Variants in ATP6V0E2 observed in about 807,000 individuals in gnomAD.
ATP6V0E2 encodes V-type proton ATPase subunit e 2.
Under a neutral mutation model 11.5 loss-of-function variants are expected in ATP6V0E2, and 4 were observed. That is an observed-to-expected ratio of 0.35 (90% CI 0.17 to 0.80). The LOEUF is 0.80. Ranked by LOEUF, ATP6V0E2 falls within the 30% of genes least tolerant of loss-of-function variation. The probability of loss-of-function intolerance (pLI) is 0.53; values close to 1 mark genes in which losing one functional copy is unlikely to be tolerated. For synonymous variants in ATP6V0E2, 52 were observed against 51.0 expected (o/e 1.02, Z -0.09); for missense variants, 93 against 113.5 (o/e 0.82, Z 0.82).
Position 149,874,036 on chromosome 7 carries a change from G to T in ATP6V0E2, c.-30G>T, listed in dbSNP as rs1057362240. 1.3e-6 allele frequency: 2 copies of T among 1,549,288 alleles called. No homozygotes were observed. Among genetic ancestry groups the T allele is most frequent in the Admixed American group, 2.0e-5 (1 of 50,970 alleles). On this transcript the variant is annotated 5_prime_UTR_variant, in exon 1 of 4. Coordinates refer to ENST00000425642, the MANE Select transcript of ATP6V0E2 (RefSeq NM_145230.4). ...CCTGCAGCGCCCGCTGCTCGGCCCT[G>T]CATCCTGCCTGGGCATCCTGCGCCC...
At chr7:149,875,519 CTCT>C (rs1166884113) in intron 1 of ATP6V0E2, 76 bp from the exon 2 acceptor site, 24 of 1,416,756 alleles carry the variant, frequency 1.7e-5, no homozygotes, top group Non-Finnish European at 2.1e-5. Flanking sequence ...ACACCAGGAG[CTCT>C]TCTTGCTCTG....
At chr7:149,875,524 C>G in intron 1 of ATP6V0E2, 74 bp from the exon 2 acceptor site, 2 of 1,493,920 alleles carry the variant, frequency 1.3e-6, no homozygotes, top group Admixed American at 3.3e-5. Context: ...AGGAGCTCTT[C>G]TTGCTCTGGT....
chr7:149,874,836 G>C (rs1803040112), intron 1 of ATP6V0E2: 1 of 153,260 alleles, frequency 6.5e-6, no homozygotes, highest in African/African-American at 2.4e-5. Flanking sequence ...AAAAGGGATC[G>C]CGTGCTCCTG....
intron 1 of ATP6V0E2, among the ~76,000 whole-genome samples, 171 bp downstream of exon 1, chr7:149,874,340 C>T (rs1364664974): frequency 3.9e-5 from 6 of 152,064 alleles, no homozygotes; most frequent in Admixed American, 3.9e-4. Flanking sequence ...CTCTGACAGC[C>T]GGGAACAGGC....
chr7:149,873,951 T>C (rs761948378), upstream of ATP6V0E2: 1 of 1,544,252 alleles, frequency 6.5e-7, no homozygotes, highest in South Asian at 1.2e-5. Flanking sequence ...GGCTGATCGC[T>C]TCGGGTGCTC....
At chr7:149,873,573 TC>T (rs1802947041), upstream of ATP6V0E2, 2 of 215,320 alleles carry the variant, frequency 9.3e-6, no homozygotes, top group Non-Finnish European at 1.8e-5. Flanking sequence ...GCGAGGCCGT[TC>T]CTCCCGCGTC....
At chr7:149,873,663 G>T, upstream of ATP6V0E2, 1 of 391,732 alleles carries the variant, frequency 2.6e-6, no homozygotes, top group Non-Finnish European at 4.4e-6. Flanking sequence ...CCGGCGCGGC[G>T]CGTGAAGGGC....
At position 149,873,984 on chromosome 7, in the gene ATP6V0E2, C is replaced by A. The variant is rs1393776008; in HGVS notation, c.-82C>A. ...CTCGACTCCTGTTGCGCATGCTCAG[C>A]GCGCTGCCCGGCTGGGGACCCGCGC... On this transcript the variant is annotated 5_prime_UTR_variant, in exon 1 of 4. Transcript: ENST00000425642. The A allele has an allele frequency of 2.6e-6, 4 of 1,544,418 alleles. No homozygotes were observed. The highest frequency in any genetic ancestry group is 3.5e-6 in the Non-Finnish European group (4 of 1,145,854).
rs998656826 is a variant in ATP6V0E2, at chr7:149,879,836, C to T, written c.*521C>T. The T allele has an allele frequency of 5.3e-5, 25 of 473,934 alleles. No homozygotes were observed. The highest frequency in any genetic ancestry group is 7.6e-5 in the Non-Finnish European group (22 of 290,476). The allele number at this position is 473,934 out of a possible 1,614,324, so 29.4% of individuals were successfully genotyped here. A position where few individuals can be genotyped will look rare whatever the true frequency, so the allele number is the denominator to read the frequency against. ...GCATGGAATTGTTAATTTTCTGACA[C>T]GTCTAGATGTGAAATTTCTGAAAAT... On this transcript the variant is annotated 3_prime_UTR_variant, in exon 4 of 4. Transcript: ENST00000425642.
chr7:149,876,510 T>A (rs945477134), intron 2 of ATP6V0E2, among the ~76,000 whole-genome samples: 3 of 152,226 alleles, frequency 2.0e-5, no homozygotes, highest in Non-Finnish European at 1.5e-5. Context: ...CAGTGTCTAT[T>A]GTTTAGTCTC....
rs1319244991 is a variant in ATP6V0E2, at chr7:149,875,484, C to T, written c.105-114C>T. The T allele has an allele frequency of 2.9e-6, 3 of 1,018,158 alleles. No homozygotes were observed. The East Asian group carries it at 7.1e-5, about 24-fold the overall frequency. The allele number at this position is 1,018,158 out of a possible 1,614,324, so 63.1% of individuals were successfully genotyped here. A position where few individuals can be genotyped will look rare whatever the true frequency, so the allele number is the denominator to read the frequency against. On this transcript the variant is annotated intron_variant, in intron 1 of 3. Transcript: ENST00000425642. ...TCAGCCTCCTGTGTCCAGGAGGCAT[C>T]AGGAAGGCCAATGGAAAAGAGCTCA...
At chr7:149,878,356 G>C (rs1803261853) in intron 2 of ATP6V0E2, among the ~76,000 whole-genome samples, 1 of 152,170 alleles carries the variant, frequency 6.6e-6, no homozygotes, top group African/African-American at 2.4e-5. Context: ...GGACAGAGGT[G>C]TGTGAGGGCA....
In ATP6V0E2 at chr7:149,874,009, C is replaced by T. The variant is rs1459213842; in HGVS notation, c.-57C>T. The T allele has an allele frequency of 1.3e-6, 2 of 1,546,884 alleles. No individual in the cohort carries two copies. Among genetic ancestry groups the T allele is most frequent in the East Asian group, 2.5e-5 (1 of 40,816 alleles). ...CGCGCTGCCCGGCTGGGGACCCGCG[C>T]ACCTGCAGCGCCCGCTGCTCGGCCC... On this transcript the variant is annotated 5_prime_UTR_variant, in exon 1 of 4. Transcript: ENST00000425642.
chr7:149,873,817 C>CTA (rs1379966165), upstream of ATP6V0E2: 22 of 1,425,058 alleles, frequency 1.5e-5, no homozygotes, highest in Middle Eastern at 2.4e-4. Flanking sequence ...GGCCGCGCCC[C>CTA]TATTCCTCGG....
At chr7:149,875,537 T>A in intron 1 of ATP6V0E2, 61 bp from the exon 2 acceptor site, 2 of 1,565,422 alleles carry the variant, frequency 1.3e-6, no homozygotes, top group Non-Finnish European at 1.8e-6. Context: ...GCTCTGGTCC[T>A]GGCCAGGCCT....
At position 149,879,578 on chromosome 7, in the gene ATP6V0E2, A is replaced by C; in HGVS notation, c.*263A>C. ...TGCTCCAATACCCGCACTGCTCTGG[A>C]GTTTGCCCTCTTTCCCAAGGAGATG... is the stretch of plus-strand genomic sequence containing the variant. On this transcript the variant is annotated 3_prime_UTR_variant, in exon 4 of 4. Coordinates refer to ENST00000425642, the MANE Select transcript of ATP6V0E2 (RefSeq NM_145230.4). 6 of 1,500,124 alleles carry C rather than the reference A, an allele frequency of 4.0e-6. No homozygotes were observed. Among genetic ancestry groups the C allele is most frequent in the Non-Finnish European group, 5.3e-6 (6 of 1,122,858 alleles). 92.9% of individuals were successfully genotyped at this position (1,500,124 alleles called of 1,614,324 possible). A position where few individuals can be genotyped will look rare whatever the true frequency, so the allele number is the denominator to read the frequency against.
intron 1 of ATP6V0E2, 101 bp from the exon 2 acceptor site, chr7:149,875,497 G>A: frequency 8.3e-7 from 1 of 1,197,942 alleles, no homozygotes; most frequent in Non-Finnish European, 1.2e-6. Flanking sequence ...GAAGGCCAAT[G>A]GAAAAGAGCT....
chr7:149,877,777 G>A (rs1449999613), intron 2 of ATP6V0E2, among the ~76,000 whole-genome samples: 1 of 152,066 alleles, frequency 6.6e-6, no homozygotes, highest in Non-Finnish European at 1.5e-5. Context: ...ATCAACATAC[G>A]GGAAACAGAA....
Position 149,874,020 on chromosome 7 carries a change from C to T in ATP6V0E2, c.-46C>T, listed in dbSNP as rs764653797. 2.6e-6 allele frequency: 4 copies of T among 1,547,762 alleles called. No individual in the cohort carries two copies. The highest frequency in any genetic ancestry group is 2.7e-5 in the African/African-American group (2 of 72,988). ...GCTGGGGACCCGCGCACCTGCAGCG[C>T]CCGCTGCTCGGCCCTGCATCCTGCC... is the stretch of plus-strand genomic sequence containing the variant. On this transcript the variant is annotated 5_prime_UTR_variant, in exon 1 of 4. Coordinates refer to ENST00000425642, the MANE Select transcript of ATP6V0E2 (RefSeq NM_145230.4).
Sources: gnomAD v4.1 joint callset for allele counts (sites outside exome capture counted in the v4.1 genomes callset) on GRCh38, gnomAD v4.1.1 for gene constraint, MANE v1.5 for transcripts, NCBI Gene and HGNC (gene_info 2026-07-23, HGNC 2026-07-21) for gene names.